Variants in ABHD2 observed in about 807,000 individuals in gnomAD.
The protein encoded by ABHD2 is abhydrolase domain containing 2, acylglycerol lipase, also known as monoacylglycerol lipase ABHD2.
ABHD2 carries 20 observed loss-of-function variants against 48.1 expected under a neutral mutation model. The observed-to-expected ratio is 0.42, with a 90% CI of 0.29 to 0.60. ABHD2 has a LOEUF of 0.60. ABHD2 is among the 20% of genes least tolerant of loss of function. The probability of loss-of-function intolerance (pLI) is 0.24; values close to 1 mark genes in which losing one functional copy is unlikely to be tolerated. For synonymous variants in ABHD2, 209 were observed against 214.2 expected, an observed-to-expected ratio of 0.98 and a Z score of 0.21; for missense variants, 405 against 550.9, an observed-to-expected ratio of 0.74 and a Z score of 2.65.
the ABHD2 span, among the ~76,000 whole-genome samples, chr15:89,055,601 C>G: frequency 1.3e-5 from 2 of 152,070 alleles, no homozygotes; most frequent in Non-Finnish European, 2.9e-5. Context: ...TCCCAAAGTG[C>G]TGGGATTACA....
chr15:89,074,140 G>A, the ABHD2 span, among the ~76,000 whole-genome samples: 1 of 152,160 alleles, frequency 6.6e-6, no homozygotes, highest in African/African-American at 2.4e-5. Context: ...TTGGGAGGCC[G>A]AGGTAGGTGG....
chr15:89,170,709 T>C (rs1295552985), intron 5 of ABHD2, among the ~76,000 whole-genome samples: 1 of 152,222 alleles, frequency 6.6e-6, no homozygotes, highest in Non-Finnish European at 1.5e-5. Context: ...TCCTGGGTAT[T>C]GGCAAACTTC....
chr15:89,149,114 G>T (rs2050547142), intron 3 of ABHD2, among the ~76,000 whole-genome samples: 1 of 151,956 alleles, frequency 6.6e-6, no homozygotes, highest in African/African-American at 2.4e-5. Context: ...TTATCAGTAG[G>T]TATTGTCATA....
chr15:89,041,169 C>T, the ABHD2 span: 1 of 152,252 alleles, frequency 6.6e-6, no homozygotes, highest in African/African-American at 2.4e-5. Flanking sequence ...GCATCAACTT[C>T]CAGTGACGTG....
the ABHD2 span, among the ~76,000 whole-genome samples, chr15:89,062,753 A>G: frequency 6.6e-6 from 1 of 152,126 alleles, no homozygotes; most frequent in African/African-American, 2.4e-5. Context: ...AAGACTAGCA[A>G]TAAAAGAATA....
At chr15:89,083,075 G>A (rs1399956422), upstream of ABHD2, among the ~76,000 whole-genome samples, 8 of 152,120 alleles carry the variant, frequency 5.3e-5, no homozygotes, top group African/African-American at 1.7e-4. The surrounding 1 kb of genome is among the most constrained non-coding windows in gnomAD (Gnocchi z 5.1). Context: ...GGCTGGTCTC[G>A]AGCTCCTGAC....
At position 89,176,286 on chromosome 15, in the gene ABHD2, T is replaced by C. The variant is rs1021702278; in HGVS notation, c.722+291T>C. Among the ~76,000 whole-genome samples the C allele has an allele frequency of 1.3e-5, 2 of 152,110 alleles. No homozygotes were observed. The highest frequency in any genetic ancestry group is 4.8e-5 in the African/African-American group (2 of 41,420). On this transcript the variant is annotated intron_variant, in intron 6 of 10. Transcript: ENST00000352732. The surrounding 1 kb of genome is among the most constrained non-coding windows in gnomAD (Gnocchi z 4.5). ...CCTAGGGAATCTCTGTCAGGTGACT[T>C]AATTTGTTCAGGCTTCAGGAGTTTT...
At chr15:89,084,497 G>A (rs779307656), upstream of ABHD2, among the ~76,000 whole-genome samples, 2 of 152,022 alleles carry the variant, frequency 1.3e-5, no homozygotes, top group Non-Finnish European at 2.9e-5. The surrounding 1 kb of genome is among the most constrained non-coding windows in gnomAD (Gnocchi z 4.4). Context: ...ACGGTGTTTC[G>A]CCAATTGACC....
At chr15:89,190,761 G>A (rs1432264753) in intron 8 of ABHD2, among the ~76,000 whole-genome samples, 2 of 152,198 alleles carry the variant, frequency 1.3e-5, no homozygotes, top group Non-Finnish European at 2.9e-5. Flanking sequence ...AGAAGCTGAG[G>A]CTCAGATAAG....
At chr15:89,105,674 C>G (rs2049773230) in intron 1 of ABHD2, among the ~76,000 whole-genome samples, 1 of 152,250 alleles carries the variant, frequency 6.6e-6, no homozygotes, top group African/African-American at 2.4e-5. Context: ...CTGGATCAAC[C>G]AAGGGCTTTA....
rs888103266 is a variant in ABHD2, at chr15:89,184,665, C to T, written c.723-759C>T. 2.6e-5 allele frequency among the ~76,000 whole-genome samples: 4 copies of T among 152,180 alleles called. No homozygotes were observed. The highest frequency in any genetic ancestry group is 9.7e-5 in the African/African-American group (4 of 41,426). On this transcript the variant is annotated intron_variant, in intron 6 of 10. Coordinates refer to ENST00000352732, the MANE Select transcript of ABHD2 (RefSeq NM_152924.5). This position sits in a 1 kb window ranked among gnomAD's most constrained non-coding sequence, Gnocchi z 5.1. ...CCAGGGCTGGTGGTGCTGTCTCCTCCCTCTGCATGTGCTGCTGGCAGAACC... is the reference window on the plus strand; with the variant it reads ...CCAGGGCTGGTGGTGCTGTCTCCTCTCTCTGCATGTGCTGCTGGCAGAACC...
chr15:89,091,223 A>G lies in ABHD2; in HGVS notation c.-107+2660A>G, dbSNP rs955154430. On this transcript the variant is annotated intron_variant, in intron 1 of 10. Transcript: ENST00000352732. The surrounding 1 kb of genome is among the most constrained non-coding windows in gnomAD (Gnocchi z 5.5). ...CCCTTTTGATGAAAAGATGCCTGCC[A>G]CTTTCATTTTTTGCAGGAATCCAGT... Among the ~76,000 whole-genome samples the G allele has an allele frequency of 1.3e-5, 2 of 152,048 alleles. No homozygotes were observed. Among genetic ancestry groups the G allele is most frequent in the African/African-American group, 4.8e-5 (2 of 41,388 alleles).
At chr15:89,194,712 A>T (rs2238310) in intron 10 of ABHD2, among the ~76,000 whole-genome samples, 1 of 152,140 alleles carries the variant, frequency 6.6e-6, no homozygotes, top group Non-Finnish European at 1.5e-5. Context: ...AAAATGCAGA[A>T]TCTCAGCTCC....
chr15:89,060,368 G>T, the ABHD2 span, among the ~76,000 whole-genome samples: 1 of 151,362 alleles, frequency 6.6e-6, no homozygotes, highest in Non-Finnish European at 1.5e-5. Flanking sequence ...TGGGATTACA[G>T]GCATGCACCA....
intron 3 of ABHD2, among the ~76,000 whole-genome samples, chr15:89,128,901 G>C (rs2050176910): frequency 6.6e-6 from 1 of 152,128 alleles, no homozygotes; most frequent in Non-Finnish European, 1.5e-5. Flanking sequence ...GGAAGGATGG[G>C]ACAAATTCCA....
rs1046580033 is a variant in ABHD2, at chr15:89,179,547, T to C, written c.722+3552T>C. 6.6e-6 allele frequency among the ~76,000 whole-genome samples: 1 copy of C among 152,158 alleles called. No individual in the cohort carries two copies. The highest frequency in any genetic ancestry group is 2.4e-5 in the African/African-American group (1 of 41,432). The stretch of plus-strand genomic sequence containing the variant: ...ACTGTCTAGTTGCAGGAAAATAAGC[T>C]CAGGGATCTCACTGATTCTATGTTA... On this transcript the variant is annotated intron_variant, in intron 6 of 10. Transcript: ENST00000352732. This position sits in a 1 kb window ranked among gnomAD's most constrained non-coding sequence, Gnocchi z 4.3.
chr15:89,116,605 C>A lies in ABHD2; in HGVS notation c.194+84C>A. On this transcript the variant is annotated intron_variant, in intron 3 of 10. Coordinates refer to ENST00000352732, the MANE Select transcript of ABHD2 (RefSeq NM_152924.5). The surrounding 1 kb of genome is among the most constrained non-coding windows in gnomAD (Gnocchi z 4.6). ...TGTTCAAAGAAGAAACTTCTCTCAT[C>A]GTGTCCTTAAGGCATCAATGGGATA... 1.4e-6 allele frequency: 2 copies of A among 1,443,768 alleles called. No individual in the cohort carries two copies. The highest frequency in any genetic ancestry group is 2.6e-5 in the South Asian group (2 of 75,742). 89.4% of individuals were successfully genotyped at this position (1,443,768 alleles called of 1,614,324 possible).
the ABHD2 span, among the ~76,000 whole-genome samples, chr15:89,074,376 A>C: frequency 2.9e-5 from 4 of 137,418 alleles, no homozygotes; most frequent in African/African-American, 1.1e-4. Flanking sequence ...ACTCCATCTG[A>C]AAAAAAAAAA....
In ABHD2 at chr15:89,094,032, A is replaced by G. The variant is rs544968921; in HGVS notation, c.-107+5469A>G. On this transcript the variant is annotated intron_variant, in intron 1 of 10. Transcript: ENST00000352732. This position sits in a 1 kb window ranked among gnomAD's most constrained non-coding sequence, Gnocchi z 4.7. ...GGAAATTGAATGGAATCTTTAGTCTATTAGTCTAATCTAGAGTCCTTACCT... is the reference window on the plus strand; with the variant it reads ...GGAAATTGAATGGAATCTTTAGTCTGTTAGTCTAATCTAGAGTCCTTACCT... 1.3e-5 allele frequency: 2 copies of G among 152,202 alleles called. No individual in the cohort carries two copies. The highest frequency in any genetic ancestry group is 1.5e-5 in the Non-Finnish European group (1 of 68,024). The allele number at this position is 152,202 out of a possible 1,614,324, so 9.4% of individuals were successfully genotyped here. A position where few individuals can be genotyped will look rare whatever the true frequency, so the allele number is the denominator to read the frequency against.
Sources: gnomAD v4.1 joint callset for allele counts (sites outside exome capture counted in the v4.1 genomes callset) on GRCh38, gnomAD v4.1.1 for gene constraint, Gnocchi (gnomAD v3.1) non-coding constraint, MANE v1.5 for transcripts, NCBI Gene and HGNC (gene_info 2026-07-23, HGNC 2026-07-21) for gene names.